Variants in ANO3 observed in about 807,000 individuals in gnomAD.
ANO3 encodes the protein anoctamin-3.
A neutral mutation model predicts 144.8 loss-of-function variants in ANO3; 99 were observed. That is an observed-to-expected ratio of 0.68 (90% CI 0.58 to 0.81). The LOEUF (loss-of-function observed/expected upper bound fraction) is 0.81, where lower values mean the gene tolerates loss of function less well. ANO3 is among the 30% of genes least tolerant of loss of function. The pLI, the probability that ANO3 is intolerant of heterozygous loss-of-function variation, is 0.00. For synonymous variants in ANO3, 414 were observed against 392.6 expected (o/e 1.05, Z -0.64); for missense variants, 905 against 1,202.2 (o/e 0.75, Z 3.66).
chr11:26,564,760 T>G (rs1226181820), intron 14 of ANO3, among the ~76,000 whole-genome samples: 1 of 87,814 alleles, frequency 1.1e-5, no homozygotes, highest in Non-Finnish European at 2.3e-5. Flanking sequence ...TATATATATA[T>G]ATATATATAT....
chr11:26,480,558 A>C (rs931390828), intron 4 of ANO3, among the ~76,000 whole-genome samples: 11 of 152,176 alleles, frequency 7.2e-5, no homozygotes, highest in African/African-American at 2.7e-4. Flanking sequence ...CTGTAATCCC[A>C]ACACTTTGGG....
chr11:26,606,852 T>G (rs1851951015), intron 17 of ANO3, among the ~76,000 whole-genome samples: 1 of 152,242 alleles, frequency 6.6e-6, no homozygotes, highest in Non-Finnish European at 1.5e-5. Flanking sequence ...TGATGCAGTT[T>G]CTTCATAGTG....
intron 1 of ANO3, among the ~76,000 whole-genome samples, chr11:26,191,409 C>T (rs111833551): frequency 0.014 from 2,128 of 152,012 alleles, 14 homozygotes; most frequent in South Asian, 0.017. Context: ...ACTGAAACAC[C>T]GCTCTCTTCA....
At chr11:26,313,114 G>A (rs1029528127) in intron 1 of ANO3, among the ~76,000 whole-genome samples, 1 of 152,108 alleles carries the variant, frequency 6.6e-6, no homozygotes, top group African/African-American at 2.4e-5. Context: ...TTGGATAAAA[G>A]GTGAGTACCT....
intron 1 of ANO3, among the ~76,000 whole-genome samples, chr11:26,241,238 CCT>C (rs1852659089): frequency 6.6e-6 from 1 of 152,132 alleles, no homozygotes; most frequent in African/African-American, 2.4e-5. Context: ...GTCCATTCAA[CCT>C]CTTTTTCTTC....
At chr11:26,652,059 C>T (rs1023246955) in intron 24 of ANO3, among the ~76,000 whole-genome samples, 3 of 152,120 alleles carry the variant, frequency 2.0e-5, no homozygotes, top group Non-Finnish European at 2.9e-5. Context: ...GTCCTTTCCC[C>T]CATTCACTTT....
At chr11:26,531,357 A>G (rs770444901) in intron 8 of ANO3, 21 bp downstream of exon 8, 5 of 1,596,576 alleles carry the variant, frequency 3.1e-6, no homozygotes, top group South Asian at 2.3e-5. Flanking sequence ...CTCTTTTTTC[A>G]TACTGCCTAC....
At chr11:26,372,693 A>T (rs1166229774) in intron 1 of ANO3, among the ~76,000 whole-genome samples, 1 of 152,218 alleles carries the variant, frequency 6.6e-6, no homozygotes, top group African/African-American at 2.4e-5. Context: ...ATACTCAGGA[A>T]GTTAGTATTC....
intron 7 of ANO3, 121 bp from the exon 8 acceptor site, chr11:26,531,084 G>C: frequency 9.4e-7 from 1 of 1,058,688 alleles, no homozygotes; most frequent in Non-Finnish European, 1.4e-6. Context: ...TGTGTGGTGT[G>C]TGTAGGTTTG....
chr11:26,576,938 G>A (rs1294251760), intron 14 of ANO3, among the ~76,000 whole-genome samples: 1 of 150,256 alleles, frequency 6.7e-6, no homozygotes, highest in African/African-American at 2.5e-5. Flanking sequence ...CTATTCATGA[G>A]ACAGCTGTAA....
intron 13 of ANO3, chr11:26,559,105 A>T (rs1318931977): frequency 6.6e-6 from 1 of 152,234 alleles, no homozygotes; most frequent in African/African-American, 2.4e-5. Context: ...TTATAAAACT[A>T]TGCATCCTTT....
chr11:26,650,389 A>T (rs1006725979), intron 24 of ANO3, among the ~76,000 whole-genome samples: 1 of 152,284 alleles, frequency 6.6e-6, no homozygotes, highest in East Asian at 1.9e-4. Flanking sequence ...GTTTGAATCT[A>T]GGTTCCGAGG....
chr11:26,660,058 T>G (rs1853830562), intron 26 of ANO3, among the ~76,000 whole-genome samples: 1 of 152,182 alleles, frequency 6.6e-6, no homozygotes, highest in South Asian at 2.1e-4. Context: ...GAGGAAGTAA[T>G]TCTTTGTTTT....
At chr11:26,428,192 T>A (rs963279934) in intron 1 of ANO3, among the ~76,000 whole-genome samples, 1 of 152,198 alleles carries the variant, frequency 6.6e-6, no homozygotes, top group Non-Finnish European at 1.5e-5. Flanking sequence ...TCTGCATTCA[T>A]AACTGGAGGC....
chr11:26,457,706 T>C (rs990445163), intron 3 of ANO3, among the ~76,000 whole-genome samples: 3 of 152,116 alleles, frequency 2.0e-5, no homozygotes, highest in Non-Finnish European at 4.4e-5. Context: ...GAAACCAATA[T>C]TGATTCCCTT....
chr11:26,269,315 T>A (rs1853386566), intron 1 of ANO3, among the ~76,000 whole-genome samples: 1 of 152,146 alleles, frequency 6.6e-6, no homozygotes, highest in Non-Finnish European at 1.5e-5. Flanking sequence ...AAAGTCTCCT[T>A]ATTGGAGGGT....
chr11:26,212,676 C>A (rs1158614552), intron 1 of ANO3, among the ~76,000 whole-genome samples: 1 of 151,956 alleles, frequency 6.6e-6, no homozygotes, highest in Non-Finnish European at 1.5e-5. Context: ...CAGGACCAGA[C>A]AGATTGACAG....
At chr11:26,335,572 A>T (rs949815034) in intron 1 of ANO3, among the ~76,000 whole-genome samples, 1 of 152,176 alleles carries the variant, frequency 6.6e-6, no homozygotes, top group African/African-American at 2.4e-5. Flanking sequence ...ATTCCCATAG[A>T]AATTTTTAGG....
At chr11:26,271,274 T>A (rs1048969685) in intron 1 of ANO3, among the ~76,000 whole-genome samples, 8 of 152,180 alleles carry the variant, frequency 5.3e-5, no homozygotes, top group African/African-American at 1.9e-4. Flanking sequence ...CAGGTGGCAT[T>A]TTTTCTACTT....
Sources: gnomAD v4.1 joint callset for allele counts (sites outside exome capture counted in the v4.1 genomes callset) on GRCh38, gnomAD v4.1.1 for gene constraint, MANE v1.5 for transcripts, NCBI Gene and HGNC (gene_info 2026-07-23, HGNC 2026-07-21) for gene names.